ZFYVE16: variants seen among roughly 807,000 people sequenced by gnomAD.
The protein encoded by ZFYVE16 is zinc finger FYVE domain-containing protein 16.
In ZFYVE16, 89 loss-of-function variants were observed where a neutral mutation model predicts 138.1. That is an observed-to-expected ratio of 0.64 (90% confidence interval 0.54 to 0.77). ZFYVE16 has a LOEUF of 0.77. ZFYVE16 is among the 30% of genes least tolerant of loss of function. The probability of loss-of-function intolerance (pLI) is 0.00; values close to 1 mark genes in which losing one functional copy is unlikely to be tolerated. For missense variants in ZFYVE16, 1,793 were observed against 1,786.7 expected (o/e 1.00, Z -0.06); for synonymous variants, 596 against 618.3 (o/e 0.96, Z 0.53).
intron 18 of ZFYVE16, among the ~76,000 whole-genome samples, chr5:80,475,490 C>A (rs531534159): frequency 1.1e-3 from 171 of 152,248 alleles, no homozygotes; most frequent in African/African-American, 4.0e-3. Flanking sequence ...CATCAGTTCA[C>A]CTTCATACTT....
chr5:80,447,647 C>T (rs970596766), intron 7 of ZFYVE16, among the ~76,000 whole-genome samples: 17 of 152,186 alleles, frequency 1.1e-4, no homozygotes, highest in Middle Eastern at 3.2e-3. Flanking sequence ...TCCCTCCTCC[C>T]TGCCTACCCA....
chr5:80,441,303 G>A, intron 5 of ZFYVE16: 2 of 985,404 alleles, frequency 2.0e-6, no homozygotes, highest in Non-Finnish European at 2.4e-6. Flanking sequence ...GGTCCAGGAG[G>A]GGAGAAGATA....
chr5:80,442,367 C>T (rs1049265577), intron 5 of ZFYVE16, among the ~76,000 whole-genome samples: 3 of 152,186 alleles, frequency 2.0e-5, no homozygotes, highest in Non-Finnish European at 4.4e-5. Context: ...TTTGGCCTCC[C>T]AAAGTGTTGG....
Position 80,443,271 on chromosome 5 carries a change from A to G in ZFYVE16, c.2568A>G (p.Gln856=), listed in dbSNP as rs1449783991. 3 of 1,607,470 alleles carry G rather than the reference A, an allele frequency of 1.9e-6. No homozygotes were observed. The highest frequency in any genetic ancestry group is 2.2e-5 in the East Asian group (1 of 44,792). Residue 856 remains glutamine (Q), a synonymous_variant, in exon 6 of 19, where the codon CAA becomes CAG. Coordinates refer to ENST00000505560, the MANE Select transcript of ZFYVE16 (RefSeq NM_001284236.3). Reference sequence around the variant, plus strand: ...CTTTGCCAGTCTCAGCACTTAAACAACCAGGTGTTGAAGGTAATAGAAGAA... The same window carrying G: ...CTTTGCCAGTCTCAGCACTTAAACAGCCAGGTGTTGAAGGTAATAGAAGAA... The part of the protein sequence containing the change: ...PATLPVSALK[Q]PGVEGLCSKE...
chr5:80,459,260 C>A (rs1580317038), intron 14 of ZFYVE16, among the ~76,000 whole-genome samples, 154 bp from the exon 15 acceptor site: 1 of 151,952 alleles, frequency 6.6e-6, no homozygotes, highest in African/African-American at 2.4e-5. Context: ...TATTTTATCT[C>A]TTTTTTTTGT....
intron 2 of ZFYVE16, among the ~76,000 whole-genome samples, chr5:80,431,048 A>T (rs1748930677): frequency 6.6e-6 from 1 of 152,244 alleles, no homozygotes. Context: ...AAACTATTCC[A>T]ATCAATAGAA....
chr5:80,444,229 T>C (rs1162026903), intron 6 of ZFYVE16, among the ~76,000 whole-genome samples: 1 of 152,174 alleles, frequency 6.6e-6, no homozygotes, highest in Non-Finnish European at 1.5e-5. Context: ...GACTCAGCAT[T>C]ATATGGTCGT....
Position 80,419,969 on chromosome 5 carries a change from G to A in ZFYVE16, c.-93-7523G>A, listed in dbSNP as rs567188622. Among the ~76,000 whole-genome samples the A allele has an allele frequency of 9.8e-3, 1,488 of 151,084 alleles. 16 individuals are homozygous for A. The highest frequency in any genetic ancestry group is 0.017 in the Non-Finnish European group (1,179 of 67,796). Reference sequence around the variant, plus strand: ...TGGGATTACAGGTACACTCCACCACGCCTGGCTAATTTTTGTATTTTTAGT... The same window carrying A: ...TGGGATTACAGGTACACTCCACCACACCTGGCTAATTTTTGTATTTTTAGT... On this transcript the variant is annotated intron_variant, in intron 1 of 18. Transcript: ENST00000505560.
At position 80,438,859 on chromosome 5, in the gene ZFYVE16, C is replaced by T. The variant is rs1354331667; in HGVS notation, c.2174C>T (p.Ser725Phe). Residue 725 changes from serine (S) to phenylalanine (F), a missense_variant, in exon 4 of 19, where the codon TCT (serine) becomes TTT (phenylalanine). Physicochemically the swap from Ser to Phe is radical, Grantham distance 155. Coordinates refer to ENST00000505560, the MANE Select transcript of ZFYVE16 (RefSeq NM_001284236.3). ...AGTTTCGTAACTGCAAATGAAGATT[C>T]TGTACCTGAAAACACTTGCAAAGAA... Reference protein sequence around the residue: ...GSSFVTANEDSVPENTCKEGL... With the variant: ...GSSFVTANEDFVPENTCKEGL... 1 of 1,614,042 alleles carries T rather than the reference C, an allele frequency of 6.2e-7. No individual in the cohort carries two copies.
At chr5:80,459,376 GC>G in intron 14 of ZFYVE16, 37 bp from the exon 15 acceptor site, 1 of 1,563,516 alleles carries the variant, frequency 6.4e-7, no homozygotes, top group Non-Finnish European at 8.8e-7. Context: ...ATAAAAATGA[GC>G]AGTTTAAAAC....
chr5:80,434,287 AC>A (rs1749553078), intron 3 of ZFYVE16, 70 bp downstream of exon 3: 2 of 1,500,282 alleles, frequency 1.3e-6, no homozygotes, highest in African/African-American at 2.8e-5. Context: ...TCTCAGGTAT[AC>A]AGTAATATTA....
intron 14 of ZFYVE16, 26 bp from the exon 15 acceptor site, chr5:80,459,388 A>G (rs968949736): frequency 2.5e-6 from 4 of 1,605,012 alleles, no homozygotes; most frequent in Non-Finnish European, 3.4e-6. Flanking sequence ...AGTTTAAAAC[A>G]AATAATTGTT....
chr5:80,445,180 T>G, intron 6 of ZFYVE16, 83 bp from the exon 7 acceptor site: 1 of 1,517,582 alleles, frequency 6.6e-7, no homozygotes, highest in Non-Finnish European at 8.9e-7. Context: ...AAAAAGCTTT[T>G]GAAAACATTT....
chr5:80,428,180 G>T (rs533577703), intron 2 of ZFYVE16, among the ~76,000 whole-genome samples: 1 of 151,998 alleles, frequency 6.6e-6, no homozygotes, highest in Non-Finnish European at 1.5e-5. Flanking sequence ...CCTGACCCCC[G>T]AGTAGCCTAA....
chr5:80,470,100 T>TGTG (rs1754193477), intron 15 of ZFYVE16, among the ~76,000 whole-genome samples: 2 of 58,770 alleles, frequency 3.4e-5, no homozygotes, highest in African/African-American at 1.0e-4. Flanking sequence ...TGTGTGTGTG[T>TGTG]ATTTTTTTTT....
In ZFYVE16 at chr5:80,432,152, G is replaced by A. The variant is rs570418715; in HGVS notation, c.-39-1957G>A. On this transcript the variant is annotated intron_variant, in intron 2 of 18. Coordinates refer to ENST00000505560, the MANE Select transcript of ZFYVE16 (RefSeq NM_001284236.3). ...GTCGATCCTAAGCCAAAAAAACAAA[G>A]CTGGAGGCATCACGCTACCTGACTT... Among the ~76,000 whole-genome samples, 927 of 152,248 alleles carry A rather than the reference G, an allele frequency of 6.1e-3. 9 individuals carry two copies. The highest frequency in any genetic ancestry group is 0.021 in the African/African-American group (857 of 41,548).
intron 6 of ZFYVE16, 142 bp from the exon 7 acceptor site, chr5:80,445,121 T>C (rs1290448417): frequency 3.6e-6 from 3 of 822,208 alleles, no homozygotes; most frequent in Admixed American, 5.9e-5. Context: ...AAAGGCCATT[T>C]CTCTAGATCT....
intron 7 of ZFYVE16, 49 bp downstream of exon 7, chr5:80,445,454 G>T (rs761949941): frequency 2.0e-6 from 3 of 1,534,960 alleles, no homozygotes; most frequent in Admixed American, 1.9e-5. Context: ...ATTTTATTTC[G>T]TAGATAATTC....
Position 80,445,338 on chromosome 5 carries a change from C to G in ZFYVE16, c.2657C>G (p.Thr886Arg), listed in dbSNP as rs747663421. ...CCCAATGGTGAAGTTGCAGATACAACAAAATTATCATCTGGAAGTAAAAGA... is the reference window on the plus strand; with the variant it reads ...CCCAATGGTGAAGTTGCAGATACAAGAAAATTATCATCTGGAAGTAAAAGA... Reference protein sequence around the residue: ...ILPNGEVADTTKLSSGSKRCS... With the variant: ...ILPNGEVADTRKLSSGSKRCS... The change falls in exon 7 of 19, where the codon ACA becomes AGA. Residue 886 changes from threonine (T) to arginine (R), a missense_variant. Physicochemically the swap from Thr to Arg is moderately conservative, Grantham distance 71 (BLOSUM62 -1). Around this residue, in one of 2 missense-constraint regions of ZFYVE16, gnomAD observed 1,295 missense variants for 1,204.3 expected, o/e 1.08. Coordinates refer to ENST00000505560, the MANE Select transcript of ZFYVE16 (RefSeq NM_001284236.3). The G allele has an allele frequency of 2.5e-6, 4 of 1,613,770 alleles. No individual in the cohort carries two copies. Among genetic ancestry groups the G allele is most frequent in the Non-Finnish European group, 3.4e-6 (4 of 1,179,906 alleles).
Sources: allele counts gnomAD v4.1 joint callset (sites outside exome capture counted in the v4.1 genomes callset), GRCh38; gene constraint gnomAD v4.1.1; regional missense constraint gnomAD v4.1.1; transcripts MANE v1.5; gene names NCBI Gene and HGNC (gene_info 2026-07-23, HGNC 2026-07-21).